The following PDE7B variants were observed in gnomAD, a reference collection of about 807,000 sequenced individuals.
The protein encoded by PDE7B is phosphodiesterase 7B, also known as 3',5'-cyclic-AMP phosphodiesterase 7B.
Under a neutral mutation model 56.2 loss-of-function variants are expected in PDE7B, and 29 were observed. The ratio of observed to expected loss-of-function variants is 0.52; its 90% CI spans 0.38 to 0.70. The LOEUF (loss-of-function observed/expected upper bound fraction) is 0.70. Among genes scored for constraint, PDE7B ranks in the 30% least tolerant of loss-of-function variants. The pLI, the probability that PDE7B is intolerant of heterozygous loss-of-function variation, is 0.00. For synonymous variants in PDE7B, 197 were observed against 196.9 expected (o/e 1.00, Z 0.00); for missense variants, 490 against 565.0 (o/e 0.87, Z 1.35).
At chr6:136,082,142 G>A (rs1188030470) in intron 2 of PDE7B, among the ~76,000 whole-genome samples, 3 of 152,156 alleles carry the variant, frequency 2.0e-5, no homozygotes, top group African/African-American at 7.2e-5. Context: ...TGGTCCTGAC[G>A]CATCCGTAAT....
chr6:135,909,769 G>C (rs1776179608), intron 1 of PDE7B, among the ~76,000 whole-genome samples: 1 of 152,004 alleles, frequency 6.6e-6, no homozygotes, highest in African/African-American at 2.4e-5. Flanking sequence ...AAGTGTCTAC[G>C]CAAAAGTGGC....
chr6:135,912,622 A>G (rs1776232222), intron 1 of PDE7B, among the ~76,000 whole-genome samples: 1 of 152,190 alleles, frequency 6.6e-6, no homozygotes, highest in Non-Finnish European at 1.5e-5. Context: ...CACTGGCTGA[A>G]TGAATGGAAA....
intron 1 of PDE7B, among the ~76,000 whole-genome samples, chr6:135,873,127 G>A (rs770771550): frequency 6.6e-6 from 1 of 152,166 alleles, no homozygotes; most frequent in Non-Finnish European, 1.5e-5. Flanking sequence ...GAAGCTGGGT[G>A]AGTGAGCTGA....
intron 3 of PDE7B, among the ~76,000 whole-genome samples, chr6:136,137,095 A>G (rs1450958911): frequency 6.6e-6 from 1 of 152,166 alleles, no homozygotes; most frequent in East Asian, 1.9e-4. Context: ...AGACATATGA[A>G]AAATCCTGTA....
intron 2 of PDE7B, among the ~76,000 whole-genome samples, chr6:135,981,960 A>G (rs1775305391): frequency 6.6e-6 from 1 of 152,156 alleles, no homozygotes; most frequent in South Asian, 2.1e-4. Flanking sequence ...AGTGCGATGC[A>G]CTGTGCTACA....
At chr6:136,120,640 C>T (rs553662102) in intron 3 of PDE7B, among the ~76,000 whole-genome samples, 7 of 152,218 alleles carry the variant, frequency 4.6e-5, no homozygotes, top group Non-Finnish European at 1.0e-4. Flanking sequence ...TCTCGTTTCT[C>T]CATGAAGTAG....
intron 1 of PDE7B, among the ~76,000 whole-genome samples, chr6:135,929,131 G>T (rs758790349): frequency 6.6e-6 from 1 of 152,086 alleles, no homozygotes; most frequent in Non-Finnish European, 1.5e-5. Flanking sequence ...GGTAAATAAC[G>T]GTGAAAGAAT....
chr6:136,099,993 G>T (rs1382628721), intron 2 of PDE7B, among the ~76,000 whole-genome samples: 1 of 152,090 alleles, frequency 6.6e-6, no homozygotes, highest in Admixed American at 6.5e-5. Flanking sequence ...TCTACATATG[G>T]CTAGCCAGTT....
At chr6:136,167,719 GA>G (rs1208093645) in intron 8 of PDE7B, among the ~76,000 whole-genome samples, 2 of 152,160 alleles carry the variant, frequency 1.3e-5, no homozygotes, top group Non-Finnish European at 2.9e-5. Context: ...ACAGTGCCTA[GA>G]ACATAGTAAG....
At chr6:135,979,889 C>T (rs1008008784) in intron 2 of PDE7B, among the ~76,000 whole-genome samples, 2 of 152,168 alleles carry the variant, frequency 1.3e-5, no homozygotes, top group Admixed American at 1.3e-4. Context: ...AGATTCAATG[C>T]CATCCCCATC....
intron 2 of PDE7B, among the ~76,000 whole-genome samples, chr6:136,053,268 C>T (rs1040534648): frequency 1.5e-4 from 20 of 136,540 alleles, no homozygotes; most frequent in Non-Finnish European, 2.7e-4. Flanking sequence ...TCCATGTGTT[C>T]TTATTGTTCA....
intron 2 of PDE7B, among the ~76,000 whole-genome samples, chr6:136,070,017 A>AT (rs1777019572): frequency 6.6e-6 from 1 of 152,122 alleles, no homozygotes; most frequent in African/African-American, 2.4e-5. Flanking sequence ...AAAATTAGAA[A>AT]TTCCCCCAAG....
chr6:135,873,927 T>A (rs1460351990), intron 1 of PDE7B, among the ~76,000 whole-genome samples: 2 of 152,190 alleles, frequency 1.3e-5, no homozygotes, highest in East Asian at 3.8e-4. Context: ...AGCTAGATGT[T>A]GTTCTAGGCA....
chr6:135,868,377 C>A (rs1294112245), intron 1 of PDE7B, among the ~76,000 whole-genome samples: 1 of 152,182 alleles, frequency 6.6e-6, no homozygotes, highest in East Asian at 1.9e-4. Flanking sequence ...CACCCCCACT[C>A]CAGTGCCTGT....
chr6:136,079,898 C>G, intron 2 of PDE7B, among the ~76,000 whole-genome samples: 1 of 151,986 alleles, frequency 6.6e-6, no homozygotes, highest in Non-Finnish European at 1.5e-5. Context: ...GGTGGATCCT[C>G]CTTTGTAGAT....
chr6:136,113,653 C>T (rs564410819), intron 3 of PDE7B, among the ~76,000 whole-genome samples: 26 of 152,280 alleles, frequency 1.7e-4, no homozygotes, highest in South Asian at 1.2e-3. Context: ...GGAAAAGTAA[C>T]GGCTGTATTC....
intron 1 of PDE7B, among the ~76,000 whole-genome samples, chr6:135,905,590 T>A (rs1776084958): frequency 6.6e-6 from 1 of 152,166 alleles, no homozygotes; most frequent in South Asian, 2.1e-4. Flanking sequence ...TATAAAAATA[T>A]TGCAGATGTG....
chr6:135,928,471 A>ATATATATATATT (rs1208177781), intron 1 of PDE7B, among the ~76,000 whole-genome samples: 6 of 67,968 alleles, frequency 8.8e-5, no homozygotes, highest in African/African-American at 1.7e-4. Flanking sequence ...ATATTTATTT[A>ATATATATATATT]TATATATATA....
At chr6:136,031,131 T>A (rs544481988) in intron 2 of PDE7B, among the ~76,000 whole-genome samples, 1 of 152,226 alleles carries the variant, frequency 6.6e-6, no homozygotes, top group East Asian at 1.9e-4. Flanking sequence ...TCCTAATAGG[T>A]GTATCTGGAA....
Sources: allele counts gnomAD v4.1 joint callset (sites outside exome capture counted in the v4.1 genomes callset), GRCh38; gene constraint gnomAD v4.1.1; transcripts MANE v1.5; gene names NCBI Gene and HGNC (gene_info 2026-07-23, HGNC 2026-07-21).